Variants in CACNA1D observed in about 807,000 individuals in gnomAD.
CACNA1D encodes voltage-dependent L-type calcium channel subunit alpha-1D.
CACNA1D carries 55 observed loss-of-function variants against 257.1 expected under a neutral mutation model. The ratio of observed to expected loss-of-function variants is 0.21; its 90% CI spans 0.17 to 0.27. The LOEUF (loss-of-function observed/expected upper bound fraction) is 0.27, where lower values mean the gene tolerates loss of function less well. Among genes scored for constraint, CACNA1D ranks in the 10% least tolerant of loss-of-function variants. The pLI is 1.00. For synonymous variants in CACNA1D, 980 were observed against 1,014.9 expected, an observed-to-expected ratio of 0.97 and a Z score of 0.65; for missense variants, 1,876 against 2,784.0, an observed-to-expected ratio of 0.67 and a Z score of 7.34.
chr3:53,665,118 A>G (rs2094248353), intron 5 of CACNA1D, among the ~76,000 whole-genome samples: 1 of 152,212 alleles, frequency 6.6e-6, no homozygotes, highest in African/African-American at 2.4e-5. Context: ...TTGATCATAT[A>G]GCCTCCAGTG....
chr3:53,640,470 G>T (rs1266964779), intron 3 of CACNA1D, among the ~76,000 whole-genome samples: 1 of 152,184 alleles, frequency 6.6e-6, no homozygotes, highest in Non-Finnish European at 1.5e-5. Context: ...TTCTCCTTTT[G>T]TGTAGAGATG....
intron 3 of CACNA1D, among the ~76,000 whole-genome samples, chr3:53,571,533 G>A (rs1230387682): frequency 2.0e-5 from 3 of 151,890 alleles, no homozygotes; most frequent in African/African-American, 7.3e-5. Context: ...CCAGGATCCC[G>A]TAGTCTCACT....
At chr3:53,675,893 C>T (rs551362694) in intron 8 of CACNA1D, among the ~76,000 whole-genome samples, 60 of 152,314 alleles carry the variant, frequency 3.9e-4, no homozygotes, top group African/African-American at 1.3e-3. Flanking sequence ...TGCTCAAACC[C>T]CTAGAGGCTG....
intron 9 of CACNA1D, among the ~76,000 whole-genome samples, chr3:53,711,134 C>A (rs561683000): frequency 4.1e-4 from 62 of 152,306 alleles, no homozygotes; most frequent in Non-Finnish European, 6.2e-4. Context: ...TAGTCCCCAG[C>A]TACTTGGGAG....
intron 4 of CACNA1D, among the ~76,000 whole-genome samples, chr3:53,653,486 C>T (rs902153212): frequency 4.6e-5 from 7 of 151,846 alleles, no homozygotes; most frequent in African/African-American, 1.7e-4. Context: ...TAAAGGGATA[C>T]CTGATTATAG....
At chr3:53,538,634 T>C (rs1425476358) in intron 3 of CACNA1D, among the ~76,000 whole-genome samples, 2 of 152,186 alleles carry the variant, frequency 1.3e-5, no homozygotes, top group Non-Finnish European at 1.5e-5. Flanking sequence ...CATTGGTCCC[T>C]GTGTCTGTTT....
At position 53,735,511 on chromosome 3, in the gene CACNA1D, C is replaced by T; in HGVS notation, c.2751+8C>T. The T allele has an allele frequency of 6.2e-7, 1 of 1,613,924 alleles. No homozygotes were observed. Among genetic ancestry groups the T allele is most frequent in the Non-Finnish European group, 8.5e-7 (1 of 1,180,042 alleles). The stretch of plus-strand genomic sequence containing the variant: ...CACTCCTTCCGGAACACGGTAAGTC[C>T]CCAGGGTGGGGCTCGCTCTGGGATA... On this transcript the variant is annotated splice_region_variant and intron_variant, in intron 20 of 47. Transcript: ENST00000350061.
intron 40 of CACNA1D, among the ~76,000 whole-genome samples, chr3:53,798,308 C>CGCGTGTGT (rs146269805): frequency 6.7e-6 from 1 of 148,668 alleles, no homozygotes. Context: ...TGTATGTGTG[C>CGCGTGTGT]GTGTGTGTGT....
intron 40 of CACNA1D, chr3:53,792,417 G>A (rs924369484): frequency 6.6e-5 from 10 of 152,322 alleles, no homozygotes; most frequent in African/African-American, 2.4e-4. Context: ...AGGTAATGCA[G>A]AAGAATCTAA....
chr3:53,784,363 G>A (rs898579912), intron 39 of CACNA1D, among the ~76,000 whole-genome samples: 4 of 152,158 alleles, frequency 2.6e-5, no homozygotes, highest in African/African-American at 9.7e-5. Flanking sequence ...CTTCTTTTCA[G>A]TCCGGAGCCC....
intron 26 of CACNA1D, chr3:53,748,948 C>G (rs186074136): frequency 4.5e-6 from 2 of 446,914 alleles, no homozygotes; most frequent in African/African-American, 4.0e-5. Flanking sequence ...ATAGTTTTCA[C>G]TTCCTCCAGT....
chr3:53,801,978 T>C (rs2095538477), intron 42 of CACNA1D, among the ~76,000 whole-genome samples, 169 bp from the exon 43 acceptor site: 1 of 152,246 alleles, frequency 6.6e-6, no homozygotes, highest in Admixed American at 6.5e-5. Flanking sequence ...ATAAAACCCG[T>C]TCATAGCCCA....
chr3:53,803,400 CA>C, intron 43 of CACNA1D, 22 bp from the exon 44 acceptor site: 1 of 1,614,032 alleles, frequency 6.2e-7, no homozygotes. Flanking sequence ...CCCAGGTTCT[CA>C]GATCCTCTCT....
In CACNA1D at chr3:53,813,390, ACT is replaced by A. The variant is rs1461911330; in HGVS notation, c.*1985_*1986del. ...AGTGAGAGCCTCCGACAGGGCAGGT[ACT>A]GTGCCAGGGCAGCTCTGAAATTATG... is the stretch of plus-strand genomic sequence containing the variant. On this transcript the variant is annotated 3_prime_UTR_variant, in exon 48 of 48. Coordinates refer to ENST00000350061, the MANE Select transcript of CACNA1D (RefSeq NM_001128840.3). The A allele has an allele frequency of 6.6e-6, 1 of 152,238 alleles. No homozygotes were observed. The highest frequency in any genetic ancestry group is 1.5e-5 in the Non-Finnish European group (1 of 68,040). The allele number at this position is 152,238 out of a possible 1,614,324, so 9.4% of individuals were successfully genotyped here. A position where few individuals can be genotyped will look rare whatever the true frequency, so the allele number is the denominator to read the frequency against.
intron 30 of CACNA1D, among the ~76,000 whole-genome samples, chr3:53,769,106 C>T (rs1017086429): frequency 2.6e-5 from 4 of 152,244 alleles, no homozygotes; most frequent in African/African-American, 9.6e-5. Flanking sequence ...CAGACACTTT[C>T]TGAACACTCA....
intron 9 of CACNA1D, among the ~76,000 whole-genome samples, chr3:53,704,567 G>A (rs746774109): frequency 2.0e-5 from 3 of 152,220 alleles, no homozygotes; most frequent in Non-Finnish European, 4.4e-5. Flanking sequence ...CTCTCCCCTT[G>A]GCAGTTGAGC....
intron 9 of CACNA1D, among the ~76,000 whole-genome samples, chr3:53,716,493 A>T (rs1452338456): frequency 6.6e-6 from 1 of 151,962 alleles, no homozygotes; most frequent in Non-Finnish European, 1.5e-5. Context: ...TTGCATGAGT[A>T]GCTTCTTGTG....
intron 3 of CACNA1D, among the ~76,000 whole-genome samples, chr3:53,503,307 T>C (rs2090681991): frequency 6.6e-6 from 1 of 152,230 alleles, no homozygotes. Context: ...ACATTTTATG[T>C]AGCTTTTGAT....
chr3:53,764,968 A>G (rs1192832951), intron 30 of CACNA1D, among the ~76,000 whole-genome samples: 1 of 151,974 alleles, frequency 6.6e-6, no homozygotes, highest in African/African-American at 2.4e-5. Context: ...CCAGTTCCCT[A>G]CCCCAGGCCA....
Sources: gnomAD v4.1 joint callset for allele counts (sites outside exome capture counted in the v4.1 genomes callset) on GRCh38, gnomAD v4.1.1 for gene constraint, MANE v1.5 for transcripts, NCBI Gene and HGNC (gene_info 2026-07-23, HGNC 2026-07-21) for gene names.